Variants in ADAM9 observed in about 807,000 individuals in gnomAD.
ADAM9 encodes ADAM metallopeptidase domain 9, also known as disintegrin and metalloproteinase domain-containing protein 9.
A neutral mutation model predicts 108.1 loss-of-function variants in ADAM9; 54 were observed. The observed-to-expected ratio is 0.50, with a 90% CI of 0.40 to 0.63. ADAM9 has a LOEUF of 0.63. Among genes scored for constraint, ADAM9 ranks in the 20% least tolerant of loss-of-function variants. The pLI is 0.00. For missense variants in ADAM9, 830 were observed against 997.7 expected, an observed-to-expected ratio of 0.83 and a Z score of 2.26; for synonymous variants, 316 against 336.0, an observed-to-expected ratio of 0.94 and a Z score of 0.65.
intron 4 of ADAM9, chr8:39,015,542 T>C (rs980151468): frequency 1.3e-5 from 2 of 152,410 alleles, no homozygotes; most frequent in African/African-American, 2.4e-5. Flanking sequence ...GAAAGTGTGA[T>C]TGTAGATTTG....
Position 39,077,395 on chromosome 8 carries a change from A to G in ADAM9, c.1865A>G (p.Lys622Arg). The G allele has an allele frequency of 1.2e-6, 2 of 1,613,300 alleles. No homozygotes were observed. Among genetic ancestry groups the G allele is most frequent in the Non-Finnish European group, 1.7e-6 (2 of 1,179,508 alleles). Residue 622 changes from lysine to arginine, a missense_variant, in exon 16 of 22, where the codon AAA (lysine) becomes AGA (arginine). Physicochemically the swap from Lys to Arg is conservative, Grantham distance 26 (BLOSUM62 2). Around this residue, in one of 3 missense-constraint regions of ADAM9, gnomAD observed 381 missense variants for 539.8 expected, o/e 0.71. Transcript: ENST00000487273. ...CCTGGGATGGTTAACGAAGGCACAA[A>G]ATGTGGTGCTGGAAAGGTAATCAAA... The part of the protein sequence containing the change: ...PDPGMVNEGT[K>R]CGAGKICRNF...
chr8:39,031,416 A>G (rs79946460), intron 11 of ADAM9, among the ~76,000 whole-genome samples: 4 of 152,082 alleles, frequency 2.6e-5, no homozygotes, highest in African/African-American at 7.2e-5. Context: ...CTCTTTATCT[A>G]TCTGTCACCT....
At chr8:39,090,001 C>T (rs762120196) in intron 18 of ADAM9, 46 bp from the exon 19 acceptor site, 2 of 1,587,316 alleles carry the variant, frequency 1.3e-6, no homozygotes, top group South Asian at 1.1e-5. Flanking sequence ...GTATTTTCTG[C>T]CTAGTATGAG....
intron 6 of ADAM9, 72 bp downstream of exon 6, chr8:39,017,486 C>A: frequency 1.4e-6 from 2 of 1,452,782 alleles, no homozygotes; most frequent in Non-Finnish European, 1.9e-6. Context: ...TTCATGAAAT[C>A]AATACTATGA....
At chr8:39,024,501 G>A (rs1180698909) in intron 9 of ADAM9, among the ~76,000 whole-genome samples, 1 of 152,102 alleles carries the variant, frequency 6.6e-6, no homozygotes, top group African/African-American at 2.4e-5. Flanking sequence ...AACCTTTTTG[G>A]AAGCCTTGAG....
intron 20 of ADAM9, among the ~76,000 whole-genome samples, chr8:39,096,617 CATT>C (rs917157473): frequency 1.2e-4 from 18 of 152,152 alleles, no homozygotes; most frequent in Admixed American, 6.5e-5. Context: ...ATACACTTAC[CATT>C]ATTATCGAGT....
chr8:39,026,247 C>T lies in ADAM9; in HGVS notation c.996+363C>T, dbSNP rs112590317. Among the ~76,000 whole-genome samples, 437 of 152,290 alleles carry T rather than the reference C, an allele frequency of 2.9e-3. 3 individuals are homozygous for T. Among genetic ancestry groups the T allele is most frequent in the African/African-American group, 0.01 (417 of 41,554 alleles). On this transcript the variant is annotated intron_variant, in intron 10 of 21. Transcript: ENST00000487273. ...TTAGGTATTTGTCCTAATGCTCTCC[C>T]TCCCCTTGCTCCCCACCTCCCGACA...
intron 11 of ADAM9, among the ~76,000 whole-genome samples, chr8:39,034,822 CG>C (rs1837216671): frequency 6.6e-6 from 1 of 150,666 alleles, no homozygotes; most frequent in African/African-American, 2.4e-5. Context: ...TTTTTTTTGA[CG>C]TTTCATTATC....
chr8:39,045,365 T>TGTGTCTACACACCTATATGTAC, intron 12 of ADAM9, among the ~76,000 whole-genome samples: 1 of 108,376 alleles, frequency 9.2e-6, no homozygotes, highest in East Asian at 2.6e-4. Context: ...TACATATAGG[T>TGTGTCTACACACCTATATGTAC]GTGTGTACAT....
chr8:39,028,979 ACAGTATACTTAAAATATTTTG>A (rs1837012714), intron 11 of ADAM9, among the ~76,000 whole-genome samples: 1 of 152,192 alleles, frequency 6.6e-6, no homozygotes, highest in African/African-American at 2.4e-5. Context: ...AAGCAGACTT[ACAGTATACTTAAAATATTTTG>A]AGGAGAATGG....
At chr8:39,057,051 TGTTTAGATAC>T (rs1267043187) in intron 14 of ADAM9, among the ~76,000 whole-genome samples, 4 of 152,228 alleles carry the variant, frequency 2.6e-5, no homozygotes, top group African/African-American at 7.2e-5. Context: ...ACCTTTTCTA[TGTTTAGATAC>T]GTTTAGATGC....
At chr8:39,041,890 AT>A in intron 11 of ADAM9, 55 bp from the exon 12 acceptor site, 3 of 1,533,494 alleles carry the variant, frequency 2.0e-6, no homozygotes, top group African/African-American at 2.7e-5. Context: ...ATGACTTAAC[AT>A]TTTCAAAGTG....
chr8:39,005,679 G>A (rs1360115204), intron 1 of ADAM9, among the ~76,000 whole-genome samples: 3 of 152,178 alleles, frequency 2.0e-5, no homozygotes, highest in Non-Finnish European at 4.4e-5. Context: ...AGAAACAACT[G>A]ATGAGACTAG....
chr8:39,060,764 T>A (rs1476160203), intron 14 of ADAM9, among the ~76,000 whole-genome samples: 1 of 152,226 alleles, frequency 6.6e-6, no homozygotes. Context: ...AAGGAAAAGG[T>A]AATCAAGATC....
At chr8:39,028,330 G>A (rs1836990907) in intron 11 of ADAM9, among the ~76,000 whole-genome samples, 1 of 151,968 alleles carries the variant, frequency 6.6e-6, no homozygotes, top group Non-Finnish European at 1.5e-5. Flanking sequence ...AGATATGGAA[G>A]AGTTAAAATA....
chr8:39,017,774 G>A (rs1458987808), intron 6 of ADAM9, among the ~76,000 whole-genome samples: 1 of 151,974 alleles, frequency 6.6e-6, no homozygotes, highest in Non-Finnish European at 1.5e-5. Context: ...ACAACTTTTT[G>A]TAGAGATGAG....
At chr8:39,005,877 G>A (rs1588321670) in intron 1 of ADAM9, among the ~76,000 whole-genome samples, 1 of 152,132 alleles carries the variant, frequency 6.6e-6, no homozygotes, top group Admixed American at 6.5e-5. Context: ...TGCCACATAG[G>A]CACTTTTTAA....
chr8:39,039,103 A>C (rs1837374566), intron 11 of ADAM9, among the ~76,000 whole-genome samples: 2 of 152,088 alleles, frequency 1.3e-5, no homozygotes, highest in Admixed American at 1.3e-4. Flanking sequence ...TCAGGGCAAA[A>C]AATATGTTTC....
At position 39,010,607 on chromosome 8, in the gene ADAM9, T is replaced by A. The variant is rs924075944; in HGVS notation, c.196-1051T>A. 2.0e-4 allele frequency among the ~76,000 whole-genome samples: 31 copies of A among 152,232 alleles called. 1 individual carries two copies. Among genetic ancestry groups the A allele is most frequent in the Admixed American group, 2.0e-3 (31 of 15,282 alleles). On this transcript the variant is annotated intron_variant, in intron 2 of 21. Transcript: ENST00000487273. ...TAAAGAGTTAAGGCGAAGTCACATC[T>A]CTTAGTTCCAGAGATCACGTTAAGC...
Sources: gnomAD v4.1 joint callset for allele counts (sites outside exome capture counted in the v4.1 genomes callset) on GRCh38, gnomAD v4.1.1 for gene constraint, gnomAD v4.1.1 regional missense constraint, MANE v1.5 for transcripts, NCBI Gene and HGNC (gene_info 2026-07-23, HGNC 2026-07-21) for gene names.